The following NAF1 variants were observed in gnomAD, a reference collection of about 807,000 sequenced individuals.
The protein encoded by NAF1 is nuclear assembly factor 1 ribonucleoprotein.
A neutral mutation model predicts 40.6 loss-of-function variants in NAF1; 11 were observed. That is an observed-to-expected ratio of 0.27 (90% CI 0.17 to 0.45). The LOEUF is 0.45. NAF1 is among the 20% of genes least tolerant of loss of function. NAF1 has a pLI of 1.00. For synonymous variants in NAF1, 260 were observed against 228.5 expected (o/e 1.14, Z -1.24); for missense variants, 607 against 611.1 (o/e 0.99, Z 0.07).
At chr4:163,148,256 G>T in intron 3 of NAF1, 85 bp downstream of exon 3, 1 of 778,920 alleles carries the variant, frequency 1.3e-6, no homozygotes, top group Non-Finnish European at 2.0e-6. Flanking sequence ...GTATGTCAAA[G>T]AAAATTTACT....
intron 2 of NAF1, among the ~76,000 whole-genome samples, chr4:163,159,523 A>G (rs1002265605): frequency 6.6e-6 from 1 of 152,200 alleles, no homozygotes; most frequent in African/African-American, 2.4e-5. Context: ...CTAAGTGTAG[A>G]CCAAGATGCA....
chr4:163,164,530 TAAGA>T (rs1732371359), intron 1 of NAF1, 139 bp from the exon 2 acceptor site: 1 of 647,444 alleles, frequency 1.5e-6, no homozygotes. Flanking sequence ...ATTATGCAAT[TAAGA>T]AATATCAACT....
At chr4:163,163,842 A>G (rs1732330346) in intron 2 of NAF1, among the ~76,000 whole-genome samples, 1 of 152,140 alleles carries the variant, frequency 6.6e-6, no homozygotes, top group Non-Finnish European at 1.5e-5. Flanking sequence ...CAGACCAAAA[A>G]AATTGATTTC....
chr4:163,141,433 TA>T (rs1731258195), intron 4 of NAF1, among the ~76,000 whole-genome samples: 1 of 152,202 alleles, frequency 6.6e-6, no homozygotes, highest in Non-Finnish European at 1.5e-5. Context: ...TATAATACGT[TA>T]TTTTTTTCTT....
intron 2 of NAF1, among the ~76,000 whole-genome samples, chr4:163,119,066 A>G (rs569193517): frequency 1.3e-5 from 2 of 152,346 alleles, no homozygotes; most frequent in South Asian, 2.1e-4. Flanking sequence ...ACCTTAGCCT[A>G]TTAGGCCTAT....
chr4:163,132,774 A>C (rs1730920273), intron 7 of NAF1, among the ~76,000 whole-genome samples: 1 of 152,236 alleles, frequency 6.6e-6, no homozygotes, highest in Non-Finnish European at 1.5e-5. Context: ...ACTGTATGTG[A>C]ATCTATGGTT....
chr4:163,155,758 T>C (rs1340869925), intron 2 of NAF1, among the ~76,000 whole-genome samples: 1 of 152,196 alleles, frequency 6.6e-6, no homozygotes, highest in Non-Finnish European at 1.5e-5. Flanking sequence ...TCACTTTGCT[T>C]TTCCACGTTT....
At position 163,166,391 on chromosome 4, in the gene NAF1, T is replaced by C. The variant is rs779440884; in HGVS notation, c.337A>G (p.Thr113Ala). The change falls in exon 1 of 8, where the codon ACC becomes GCC. Residue 113 changes from threonine (T) to alanine (A), a missense_variant. Physicochemically the swap from Thr to Ala is moderately conservative, Grantham distance 58 (BLOSUM62 0). Transcript: ENST00000274054. The part of the protein sequence containing the change: ...EPARAPDSLE[T>A]SDSDSDSDSE... Reference sequence around the variant, plus strand: ...TCCGAGTCCGAATCCGAGTCCGAGGTCTCCAAGGAGTCCGGCGCCCGCGCA... The same window carrying C: ...TCCGAGTCCGAATCCGAGTCCGAGGCCTCCAAGGAGTCCGGCGCCCGCGCA... 1 of 1,606,696 alleles carries C rather than the reference T, an allele frequency of 6.2e-7. No homozygotes were observed. The highest frequency in any genetic ancestry group is 8.5e-7 in the Non-Finnish European group (1 of 1,176,194).
At chr4:163,142,283 T>G (rs574807182) in intron 4 of NAF1, among the ~76,000 whole-genome samples, 1 of 152,356 alleles carries the variant, frequency 6.6e-6, no homozygotes, top group South Asian at 2.1e-4. Context: ...ACAAACCCAA[T>G]TCTTCATTTG....
chr4:163,107,627 A>C (rs1730070596), downstream of NAF1, among the ~76,000 whole-genome samples: 1 of 152,206 alleles, frequency 6.6e-6, no homozygotes, highest in African/African-American at 2.4e-5. Flanking sequence ...ATTTTAAAAA[A>C]ATGGTTCCCA....
intron 7 of NAF1, among the ~76,000 whole-genome samples, chr4:163,130,010 C>G (rs1444330912): frequency 1.3e-5 from 2 of 152,152 alleles, no homozygotes; most frequent in Non-Finnish European, 2.9e-5. Flanking sequence ...TAACAAGGCA[C>G]CCCTTGGCCA....
At chr4:163,153,910 A>G (rs1824886) in intron 2 of NAF1, among the ~76,000 whole-genome samples, 117,647 of 151,786 alleles carry the variant, frequency 0.78, 45,635 homozygotes, top group South Asian at 0.84. Context: ...TTTATGAGCC[A>G]TAACACTCAC....
At chr4:163,142,888 C>T (rs1731316897) in intron 4 of NAF1, among the ~76,000 whole-genome samples, 1 of 152,204 alleles carries the variant, frequency 6.6e-6, no homozygotes, top group South Asian at 2.1e-4. Context: ...TCTCCTCATA[C>T]AGCTCCATAG....
chr4:163,116,501 ATAAAT>A (rs1163421576), intron 2 of NAF1, among the ~76,000 whole-genome samples: 2 of 152,180 alleles, frequency 1.3e-5, no homozygotes, highest in Non-Finnish European at 2.9e-5. Flanking sequence ...CTCCTTAAAT[ATAAAT>A]TTAACAGTTT....
chr4:163,124,263 C>T (rs1489207142), downstream of NAF1, among the ~76,000 whole-genome samples: 11 of 152,120 alleles, frequency 7.2e-5, no homozygotes, highest in South Asian at 1.2e-3. Flanking sequence ...GTTTAGTGTC[C>T]GGTGATGGTT....
At chr4:163,125,184 C>G (rs1730620034), downstream of NAF1, among the ~76,000 whole-genome samples, 1 of 152,124 alleles carries the variant, frequency 6.6e-6, no homozygotes, top group African/African-American at 2.4e-5. Context: ...GAAATTAAAC[C>G]AATCACTAGC....
At chr4:163,111,944 T>C (rs887567153) in intron 2 of NAF1, among the ~76,000 whole-genome samples, 19 of 152,168 alleles carry the variant, frequency 1.2e-4, no homozygotes, top group African/African-American at 4.1e-4. Context: ...CAGACCATCA[T>C]AGTTTGCACT....
At position 163,166,643 on chromosome 4, in the gene NAF1, C is replaced by T. The variant is rs529064752; in HGVS notation, c.85G>A (p.Ala29Thr). 2.5e-6 allele frequency: 4 copies of T among 1,612,844 alleles called. No homozygotes were observed. Among genetic ancestry groups the T allele is most frequent in the Non-Finnish European group, 3.4e-6 (4 of 1,179,826 alleles). ...ACAGGGGCAGAGCCCGGAGACGGAG[C>T]CGCCGGACCTTCCCCAACTCCAAAG... Reference protein sequence around the residue: ...TDFGVGEGPAAPSPGSAPVPG... With the variant: ...TDFGVGEGPATPSPGSAPVPG... Residue 29 changes from alanine to threonine, a missense_variant, in exon 1 of 8, where the codon GCT (alanine) becomes ACT (threonine). Physicochemically the swap from Ala to Thr is moderately conservative, Grantham distance 58 (BLOSUM62 0). Coordinates refer to ENST00000274054, the MANE Select transcript of NAF1 (RefSeq NM_138386.3).
At chr4:163,116,827 C>A (rs1294821516) in intron 2 of NAF1, among the ~76,000 whole-genome samples, 1 of 152,136 alleles carries the variant, frequency 6.6e-6, no homozygotes, top group Non-Finnish European at 1.5e-5. Flanking sequence ...TCAGGGACGA[C>A]CACCCTACCT....
Sources: allele counts gnomAD v4.1 joint callset (sites outside exome capture counted in the v4.1 genomes callset), GRCh38; gene constraint gnomAD v4.1.1; transcripts MANE v1.5; gene names NCBI Gene and HGNC (gene_info 2026-07-23, HGNC 2026-07-21).